The following DVL3 variants were observed in gnomAD, a reference collection of about 807,000 sequenced individuals.
DVL3 encodes segment polarity protein dishevelled homolog DVL-3.
In DVL3, 27 loss-of-function variants were observed where a neutral mutation model predicts 67.4. The observed-to-expected ratio is 0.40, with a 90% CI of 0.30 to 0.55. DVL3 has a LOEUF of 0.55. DVL3 is among the 20% of genes least tolerant of loss of function. The pLI is 0.46. For synonymous variants in DVL3, 369 were observed against 396.8 expected (o/e 0.93, Z 0.83); for missense variants, 819 against 1,021.5 (o/e 0.80, Z 2.70).
chr3:184,156,220 T>G, intron 1 of DVL3: 2 of 429,596 alleles, frequency 4.7e-6, no homozygotes, highest in South Asian at 3.3e-5. Context: ...CCCTTCATCT[T>G]TTCAGCAGCA....
At chr3:184,160,106 A>AT (rs772228073) in intron 1 of DVL3, among the ~76,000 whole-genome samples, 3,192 of 127,136 alleles carry the variant, frequency 0.025, 67 homozygotes, top group African/African-American at 0.058. Context: ...CGCCCTGCTA[A>AT]TTTTTTTTTT....
Position 184,164,533 on chromosome 3 carries a change from A to G in DVL3, c.395A>G (p.Asp132Gly), listed in dbSNP as rs143835194. 419 of 1,587,046 alleles carry G rather than the reference A, an allele frequency of 2.6e-4. No homozygotes were observed. The African/African-American group carries it at 5.2e-3, about 20-fold the overall frequency. ...GGGSQENLDN[D>G]TETDSLVSAQ... ...GGCAGCCAGGAGAACCTGGACAATG[A>G]CACAGAGACGGACTCTTTGGTGTCT... Residue 132 changes from aspartate to glycine, a missense_variant, in exon 4 of 15, where the codon GAC becomes GGC. Physicochemically the swap from Asp to Gly is moderately conservative, Grantham distance 94. Around this residue, in one of 3 missense-constraint regions of DVL3, gnomAD observed 385 missense variants for 486.8 expected, o/e 0.79. Transcript: ENST00000313143. The surrounding 1 kb of genome is among the most constrained non-coding windows in gnomAD (Gnocchi z 5.3).
chr3:184,165,226 AG>A lies in DVL3; in HGVS notation c.693+23del. ...GAGCGGGTATGGGGTCTGGGAGGCT[AG>A]GGATGGGTGGAGGCAGATTGTGAGC... On this transcript the variant is annotated intron_variant, in intron 6 of 14. Coordinates refer to ENST00000313143, the MANE Select transcript of DVL3 (RefSeq NM_004423.4). The surrounding 1 kb of genome is among the most constrained non-coding windows in gnomAD (Gnocchi z 4.1). 1.3e-6 allele frequency: 2 copies of A among 1,574,124 alleles called. No individual in the cohort carries two copies. Among genetic ancestry groups the A allele is most frequent in the Non-Finnish European group, 1.7e-6 (2 of 1,159,032 alleles).
chr3:184,168,398 T>G lies in DVL3; in HGVS notation c.1498+333T>G, dbSNP rs796206355. 4.4e-4 allele frequency among the ~76,000 whole-genome samples: 67 copies of G among 152,292 alleles called. 1 individual carries two copies. Among genetic ancestry groups the G allele is most frequent in the African/African-American group, 1.6e-3 (66 of 41,566 alleles). On this transcript the variant is annotated intron_variant, in intron 13 of 14. Coordinates refer to ENST00000313143, the MANE Select transcript of DVL3 (RefSeq NM_004423.4). ...GAATAGGCCTTTTCCTTCTCACTCG[T>G]CAAGGTCTCAGCTAGGGTGTTGTAG... is the stretch of plus-strand genomic sequence containing the variant.
intron 1 of DVL3, among the ~76,000 whole-genome samples, chr3:184,161,149 A>G (rs1234114931): frequency 6.6e-6 from 1 of 152,190 alleles, no homozygotes; most frequent in Admixed American, 6.5e-5. Context: ...AAGGGGGGCC[A>G]GGCACGGCGG....
At chr3:184,168,633 C>T (rs1714683765) in intron 13 of DVL3, among the ~76,000 whole-genome samples, 1 of 152,230 alleles carries the variant, frequency 6.6e-6, no homozygotes, top group Admixed American at 6.5e-5. Context: ...CCTCAGAGCC[C>T]TGTCTCCTGA....
chr3:184,168,217 G>GGCTAAACTGGACTCTTCT, intron 13 of DVL3, 152 bp downstream of exon 13: 1 of 904,272 alleles, frequency 1.1e-6, no homozygotes, highest in Non-Finnish European at 1.7e-6. Context: ...TGGAAGAAGA[G>GGCTAAACTGGACTCTTCT]TCCAGTTTAG....
In DVL3 at chr3:184,155,874, T is replaced by G. The variant is rs1027001862; in HGVS notation, c.161+78T>G. The stretch of plus-strand genomic sequence containing the variant: ...AGGGATGACGCGGTCCGTTTCGACT[T>G]GCCTCGCTACACCGGCTCCTAGCCC... On this transcript the variant is annotated intron_variant, in intron 1 of 14. Transcript: ENST00000313143. This position sits in a 1 kb window ranked among gnomAD's most constrained non-coding sequence, Gnocchi z 5.4. 4.0e-6 allele frequency: 6 copies of G among 1,498,036 alleles called. No individual in the cohort carries two copies. The highest frequency in any genetic ancestry group is 1.9e-5 in the Admixed American group (1 of 52,900). The allele number at this position is 1,498,036 out of a possible 1,614,324, so 92.8% of individuals were successfully genotyped here.
In DVL3 at chr3:184,164,626, T is replaced by C. The variant is rs748415570; in HGVS notation, c.463+25T>C. On this transcript the variant is annotated intron_variant, in intron 4 of 14. Transcript: ENST00000313143. The surrounding 1 kb of genome is among the most constrained non-coding windows in gnomAD (Gnocchi z 5.3). ...GGTATATCTTCCTGAACACGGACACTGTCCGCACCTCACACCCTCCCCTCA... is the reference window on the plus strand; with the variant it reads ...GGTATATCTTCCTGAACACGGACACCGTCCGCACCTCACACCCTCCCCTCA... The C allele has an allele frequency of 3.2e-6, 5 of 1,546,938 alleles. No individual in the cohort carries two copies. Among genetic ancestry groups the C allele is most frequent in the Middle Eastern group, 3.5e-4 (2 of 5,744 alleles).
chr3:184,171,227 C>G lies in DVL3; in HGVS notation c.*472C>G, dbSNP rs976001228. 1.5e-5 allele frequency: 16 copies of G among 1,071,538 alleles called. No homozygotes were observed. In the African/African-American group the frequency reaches 2.4e-4, roughly 16 times the overall value. 66.4% of individuals were successfully genotyped at this position (1,071,538 alleles called of 1,614,324 possible). On this transcript the variant is annotated 3_prime_UTR_variant, in exon 15 of 15. Coordinates refer to ENST00000313143, the MANE Select transcript of DVL3 (RefSeq NM_004423.4). Reference sequence around the variant, plus strand: ...GTGCAAACCTCTTGACTTTACCCCACATTACTGAAACCAAAATATATTTGC... The same window carrying G: ...GTGCAAACCTCTTGACTTTACCCCAGATTACTGAAACCAAAATATATTTGC...
Position 184,166,034 on chromosome 3 carries a change from A to G in DVL3, c.764-92A>G. The G allele has an allele frequency of 6.8e-7, 1 of 1,470,102 alleles. No homozygotes were observed. Among genetic ancestry groups the G allele is most frequent in the Non-Finnish European group, 9.3e-7 (1 of 1,078,910 alleles). 91.1% of individuals were successfully genotyped at this position (1,470,102 alleles called of 1,614,324 possible). A position where few individuals can be genotyped will look rare whatever the true frequency, so the allele number is the denominator to read the frequency against. ...GCCTGATTCAGGATCAGCAAATGTC[A>G]GTTCAGTTCCTGTCCCTTTCCATTT... On this transcript the variant is annotated intron_variant, in intron 7 of 14. Transcript: ENST00000313143. The surrounding 1 kb of genome is among the most constrained non-coding windows in gnomAD (Gnocchi z 6.7).
intron 1 of DVL3, among the ~76,000 whole-genome samples, chr3:184,159,758 G>T (rs1485976474): frequency 6.6e-6 from 1 of 151,996 alleles, no homozygotes. Context: ...CCACTTCCTG[G>T]ATTGCAGTAT....
chr3:184,168,943 G>T (rs2109023142), intron 13 of DVL3, among the ~76,000 whole-genome samples: 1 of 152,268 alleles, frequency 6.6e-6, no homozygotes, highest in Admixed American at 6.5e-5. Flanking sequence ...GTGCTATGAA[G>T]AGCTAGGCCT....
In DVL3 at chr3:184,166,362, G is replaced by T; in HGVS notation, c.904-84G>T. ...CTTCAGAGGCCCCTTCTTGGTTGGGGGAAGACTCCCTGACCTACCAAGTTG... is the reference window on the plus strand; with the variant it reads ...CTTCAGAGGCCCCTTCTTGGTTGGGTGAAGACTCCCTGACCTACCAAGTTG... On this transcript the variant is annotated intron_variant, in intron 8 of 14. Transcript: ENST00000313143. The surrounding 1 kb of genome is among the most constrained non-coding windows in gnomAD (Gnocchi z 6.7). The T allele has an allele frequency of 6.2e-7, 1 of 1,608,220 alleles. No homozygotes were observed. The highest frequency in any genetic ancestry group is 8.5e-7 in the Non-Finnish European group (1 of 1,175,520).
In DVL3 at chr3:184,167,851, G is replaced by C. The variant is rs1403538376; in HGVS notation, c.1331-47G>C. Reference sequence around the variant, plus strand: ...TCATAGCTTCTGTGAGGCCAGATGAGTCCAAGTCAGATGGGCCTCCCCATC... The same window carrying C: ...TCATAGCTTCTGTGAGGCCAGATGACTCCAAGTCAGATGGGCCTCCCCATC... On this transcript the variant is annotated intron_variant, in intron 12 of 14. Coordinates refer to ENST00000313143, the MANE Select transcript of DVL3 (RefSeq NM_004423.4). This position sits in a 1 kb window ranked among gnomAD's most constrained non-coding sequence, Gnocchi z 4.6. 6.2e-7 allele frequency: 1 copy of C among 1,613,634 alleles called. No homozygotes were observed. The highest frequency in any genetic ancestry group is 1.1e-5 in the South Asian group (1 of 90,976).
rs776430828 is a variant in DVL3 at position 184,166,585 on chromosome 3, C to A, written c.981-21C>A. 6.8e-6 allele frequency: 11 copies of A among 1,614,076 alleles called. No individual in the cohort carries two copies. The South Asian group carries it at 1.2e-4, about 18-fold the overall frequency. On this transcript the variant is annotated intron_variant, in intron 9 of 14. Transcript: ENST00000313143. The surrounding 1 kb of genome is among the most constrained non-coding windows in gnomAD (Gnocchi z 6.7). Reference sequence around the variant, plus strand: ...CTGGCCTATACGCATCCTGCCTTCACTAGGACACCCTTGTTTTCAGGCCCA... The same window carrying A: ...CTGGCCTATACGCATCCTGCCTTCAATAGGACACCCTTGTTTTCAGGCCCA...
Position 184,171,186 on chromosome 3 carries a change from A to C in DVL3, c.*431A>C. On this transcript the variant is annotated 3_prime_UTR_variant, in exon 15 of 15. Transcript: ENST00000313143. ...GCTACATCATCCCTCTATTAACCCC[A>C]CCCCATCAGGCACGTGTGCAAACCT... 4 of 1,102,732 alleles carry C rather than the reference A, an allele frequency of 3.6e-6. No homozygotes were observed. The highest frequency in any genetic ancestry group is 4.4e-6 in the Non-Finnish European group (4 of 899,458). 68.3% of individuals were successfully genotyped at this position (1,102,732 alleles called of 1,614,324 possible).
chr3:184,161,119 G>T (rs969633331), intron 1 of DVL3, among the ~76,000 whole-genome samples: 4 of 152,154 alleles, frequency 2.6e-5, no homozygotes, highest in African/African-American at 4.8e-5. Context: ...CCAGCTCTGG[G>T]CAGAAGCTGC....
rs1423495878 is a variant in DVL3 at position 184,168,085 on chromosome 3, T to C, written c.1498+20T>C. On this transcript the variant is annotated intron_variant, in intron 13 of 14. Transcript: ENST00000313143. ...GCGGCAGTATGTGCCTCCCTCATCT[T>C]CTTGCCCTGTCTCCTGGCTGGGAGT... The C allele has an allele frequency of 6.2e-7, 1 of 1,603,356 alleles. No homozygotes were observed. Among genetic ancestry groups the C allele is most frequent in the East Asian group, 2.2e-5 (1 of 44,608 alleles).
Sources: allele counts gnomAD v4.1 joint callset (sites outside exome capture counted in the v4.1 genomes callset), GRCh38; gene constraint gnomAD v4.1.1; regional missense constraint gnomAD v4.1.1; non-coding constraint Gnocchi (gnomAD v3.1); transcripts MANE v1.5; gene names NCBI Gene and HGNC (gene_info 2026-07-23, HGNC 2026-07-21).